The following MAOB variants were observed in gnomAD, a reference collection of about 807,000 sequenced individuals.
MAOB encodes amine oxidase [flavin-containing] B.
Under a neutral mutation model 41.9 loss-of-function variants are expected in MAOB, and 15 were observed. The observed-to-expected ratio is 0.36, with a 90% CI of 0.24 to 0.55. MAOB has a LOEUF of 0.55. MAOB is among the 20% of genes least tolerant of loss of function. MAOB has a pLI of 0.86. For synonymous variants in MAOB, 167 were observed against 144.2 expected, an observed-to-expected ratio of 1.16 and a Z score of -1.13; for missense variants, 345 against 398.7, an observed-to-expected ratio of 0.87 and a Z score of 1.15.
intron 11 of MAOB, among the ~76,000 whole-genome samples, chrX:43,776,657 C>T (rs757999366): frequency 1.0e-3 from 116 of 110,733 alleles, no homozygotes; most frequent in African/African-American, 3.7e-3. Flanking sequence ...ATGTGCACAA[C>T]GTGCAGGTTA....
intron 1 of MAOB, among the ~76,000 whole-genome samples, chrX:43,879,873 T>C (rs1176938268): frequency 8.9e-6 from 1 of 112,327 alleles, no homozygotes; most frequent in African/African-American, 3.2e-5. Flanking sequence ...AGCATGTTCT[T>C]TCACATATTT....
chrX:43,781,375 G>A lies in MAOB; in HGVS notation c.1025+73C>T, dbSNP rs7474005. ...AAAAAATCACTTAACAAAGTTTGGG[G>A]CACATTTGTTAATAGTATGTGATTA... On this transcript the variant is annotated intron_variant, in intron 9 of 14. Coordinates refer to ENST00000378069, the MANE Select transcript of MAOB (RefSeq NM_000898.5). 1.5e-4 allele frequency: 86 copies of A among 569,066 alleles called. 1 individual carries two copies. The South Asian group carries it at 5.1e-3, about 34-fold the overall frequency. The allele number at this position is 569,066 out of a possible 1,213,427, so 46.9% of individuals were successfully genotyped here. A position where few individuals can be genotyped will look rare whatever the true frequency, so the allele number is the denominator to read the frequency against.
intron 4 of MAOB, among the ~76,000 whole-genome samples, chrX:43,802,863 A>G (rs1026856303): frequency 1.7e-4 from 19 of 111,296 alleles, no homozygotes; most frequent in African/African-American, 6.2e-4. Flanking sequence ...GGGTTGATAG[A>G]TGCAGAAAAC....
At chrX:43,879,913 A>C (rs1248904934) in intron 1 of MAOB, among the ~76,000 whole-genome samples, 1 of 112,273 alleles carries the variant, frequency 8.9e-6, no homozygotes, top group African/African-American at 3.2e-5. Context: ...TCTTTAGTTT[A>C]AAAATGCTTT....
intron 11 of MAOB, 138 bp downstream of exon 11, chrX:43,778,544 C>G: frequency 4.0e-6 from 2 of 494,524 alleles, no homozygotes; most frequent in South Asian, 7.5e-5. Context: ...ACTGACCAGT[C>G]CTGTGTAGAT....
intron 9 of MAOB, among the ~76,000 whole-genome samples, chrX:43,780,793 C>T (rs1237252197): frequency 1.8e-5 from 2 of 111,892 alleles, no homozygotes; most frequent in Non-Finnish European, 3.8e-5. Flanking sequence ...ATGGTGTCTC[C>T]CTAGCACCCA....
At chrX:43,857,632 G>T (rs1381459256) in intron 1 of MAOB, among the ~76,000 whole-genome samples, 1 of 111,407 alleles carries the variant, frequency 9.0e-6, no homozygotes, top group East Asian at 2.8e-4. Flanking sequence ...TGGCTGCAAA[G>T]AATTTCCTCC....
intron 2 of MAOB, among the ~76,000 whole-genome samples, chrX:43,840,201 G>A (rs2035117740): frequency 8.9e-6 from 1 of 111,869 alleles, no homozygotes; most frequent in Non-Finnish European, 1.9e-5. Context: ...AACAGATAAG[G>A]CTTTCAGGCT....
rs12389234 is a variant in MAOB at position 43,775,035 on chromosome X, G to A, written c.1235+140C>T. The A allele has an allele frequency of 2.6e-3, 2,275 of 880,166 alleles. 73 individuals carry two copies. The African/African-American group carries it at 0.048, about 19-fold the overall frequency. 72.5% of individuals were successfully genotyped at this position (880,166 alleles called of 1,213,427 possible). A position where few individuals can be genotyped will look rare whatever the true frequency, so the allele number is the denominator to read the frequency against. ...ATAAGATACACGATTTCATTCATAAGATACAAAGGAAATTGGGTTGTTTTT... is the reference window on the plus strand; with the variant it reads ...ATAAGATACACGATTTCATTCATAAAATACAAAGGAAATTGGGTTGTTTTT... On this transcript the variant is annotated intron_variant, in intron 12 of 14. Transcript: ENST00000378069.
At chrX:43,819,495 C>T (rs764206525) in intron 3 of MAOB, among the ~76,000 whole-genome samples, 8 of 111,684 alleles carry the variant, frequency 7.2e-5, no homozygotes, top group African/African-American at 2.6e-4. Context: ...CTGGCCACCC[C>T]TGCCTTCTTG....
chrX:43,790,575 T>G (rs2034450780), intron 8 of MAOB, among the ~76,000 whole-genome samples: 2 of 111,049 alleles, frequency 1.8e-5, no homozygotes, highest in East Asian at 5.6e-4. Context: ...GGCTATCTCA[T>G]GTCAACAAAC....
At chrX:43,852,500 G>C (rs2035258600) in intron 1 of MAOB, among the ~76,000 whole-genome samples, 1 of 111,741 alleles carries the variant, frequency 8.9e-6, no homozygotes, top group South Asian at 3.8e-4. Context: ...GGATATACTG[G>C]AATAAAGCAA....
chrX:43,775,094 A>T, intron 12 of MAOB, 81 bp downstream of exon 12: 2 of 701,010 alleles, frequency 2.9e-6, no homozygotes, highest in Non-Finnish European at 1.8e-6. Flanking sequence ...GAAACAAGGG[A>T]GAAGAGCTAC....
Position 43,838,953 on chromosome X carries a change from T to C in MAOB, c.194A>G (p.Gln65Arg), listed in dbSNP as rs2035101570. The change falls in exon 3 of 15, where the codon CAG (glutamine) becomes CGG (arginine). Residue 65 changes from glutamine (Q) to arginine (R), a missense_variant. Transcript: ENST00000378069. The part of the protein sequence containing the change: ...DLGGSYVGPT[Q>R]NRILRLAKEL... ...CTTGGCTAATCTCAAGATACGATTC[T>C]GGGTTGGTCCAACATAGGATCCTCC... The C allele has an allele frequency of 8.3e-7, 1 of 1,202,892 alleles. No homozygotes were observed. Among genetic ancestry groups the C allele is most frequent in the Non-Finnish European group, 1.1e-6 (1 of 890,966 alleles).
intron 3 of MAOB, among the ~76,000 whole-genome samples, chrX:43,812,228 G>A (rs900882577): frequency 5.4e-5 from 6 of 112,128 alleles, no homozygotes; most frequent in Non-Finnish European, 9.4e-5. Context: ...ACCGCATTTC[G>A]TTTATCCATT....
chrX:43,791,738 C>T (rs1363452312), intron 8 of MAOB, among the ~76,000 whole-genome samples: 1 of 108,640 alleles, frequency 9.2e-6, no homozygotes, highest in African/African-American at 3.4e-5. Context: ...GCCTGGGCGA[C>T]AGAGCGAGAC....
chrX:43,844,760 T>C (rs1262291657), intron 1 of MAOB: 1 of 112,290 alleles, frequency 8.9e-6, no homozygotes, highest in Non-Finnish European at 1.9e-5. Context: ...ACTCCAGGTT[T>C]TGGACTCTGG....
chrX:43,775,802 T>C (rs2034248114), intron 11 of MAOB, among the ~76,000 whole-genome samples: 1 of 112,088 alleles, frequency 8.9e-6, no homozygotes, highest in Non-Finnish European at 1.9e-5. Flanking sequence ...CTGAAAAATA[T>C]GTTTTTGACA....
rs2034289328 is a variant in MAOB, at chrX:43,778,589, C to T, written c.1137+93G>A. The T allele has an allele frequency of 9.8e-6, 7 of 711,700 alleles. No homozygotes were observed. The South Asian group carries it at 1.1e-4, about 11-fold the overall frequency. The allele number at this position is 711,700 out of a possible 1,213,427, so 58.7% of individuals were successfully genotyped here. On this transcript the variant is annotated intron_variant, in intron 11 of 14. Coordinates refer to ENST00000378069, the MANE Select transcript of MAOB (RefSeq NM_000898.5). Reference sequence around the variant, plus strand: ...AATATATTGGGAAAAACATGAACTTCAGGACCCAACTTGCATTAACCTATC... The same window carrying T: ...AATATATTGGGAAAAACATGAACTTTAGGACCCAACTTGCATTAACCTATC...
Sources: gnomAD v4.1 joint callset for allele counts (sites outside exome capture counted in the v4.1 genomes callset) on GRCh38, gnomAD v4.1.1 for gene constraint, MANE v1.5 for transcripts, NCBI Gene and HGNC (gene_info 2026-07-23, HGNC 2026-07-21) for gene names.